Variants in PRKCZ observed in about 807,000 individuals in gnomAD.
PRKCZ encodes the protein protein kinase C zeta.
Under a neutral mutation model 79.5 loss-of-function variants are expected in PRKCZ, and 33 were observed. That is an observed-to-expected ratio of 0.41 (90% CI 0.31 to 0.55). The LOEUF (loss-of-function observed/expected upper bound fraction) is 0.55, where lower values mean the gene tolerates loss of function less well. PRKCZ is among the 20% of genes least tolerant of loss of function. PRKCZ has a pLI of 0.19. For missense variants in PRKCZ, 578 were observed against 813.5 expected (o/e 0.71, Z 3.52); for synonymous variants, 342 against 320.9 (o/e 1.07, Z -0.70).
intron 4 of PRKCZ, among the ~76,000 whole-genome samples, chr1:2,118,978 C>G (rs941317134): frequency 1.3e-5 from 2 of 152,002 alleles, no homozygotes; most frequent in African/African-American, 4.8e-5. Flanking sequence ...GCTATGGGTC[C>G]TTATTTGTCC....
rs757659635 is a variant in PRKCZ at position 2,125,671 on chromosome 1, G to C, written c.335-9591G>C. Among the ~76,000 whole-genome samples, 1 of 152,234 alleles carries C rather than the reference G, an allele frequency of 6.6e-6. No individual in the cohort carries two copies. The highest frequency in any genetic ancestry group is 2.4e-5 in the African/African-American group (1 of 41,462). On this transcript the variant is annotated intron_variant, in intron 4 of 17. Transcript: ENST00000378567. The surrounding 1 kb of genome is among the most constrained non-coding windows in gnomAD (Gnocchi z 4.2). ...CTGTGGTGCCTCCCGCTTTCCATCC[G>C]CATTCCATGGCAGGTGAGTCTGATT...
intron 4 of PRKCZ, among the ~76,000 whole-genome samples, chr1:2,087,422 C>T (rs912307367): frequency 6.6e-6 from 1 of 152,082 alleles, no homozygotes; most frequent in Non-Finnish European, 1.5e-5. Context: ...GGTGGTGAGG[C>T]GCCACGGCTC....
At chr1:2,146,348 C>T (rs746748825) in intron 7 of PRKCZ, among the ~76,000 whole-genome samples, 4 of 152,190 alleles carry the variant, frequency 2.6e-5, no homozygotes, top group African/African-American at 9.7e-5. Context: ...GGGATGCCTC[C>T]GTGAAGTGCT....
At chr1:2,141,839 G>A (rs1445986350) in intron 5 of PRKCZ, 5 of 231,962 alleles carry the variant, frequency 2.2e-5, no homozygotes, top group Admixed American at 5.3e-5. Flanking sequence ...CTGTGGACGC[G>A]GAGGAGAATG....
chr1:2,074,007 C>T lies in PRKCZ; in HGVS notation c.334+14416C>T, dbSNP rs754733113. On this transcript the variant is annotated intron_variant, in intron 4 of 17. Coordinates refer to ENST00000378567, the MANE Select transcript of PRKCZ (RefSeq NM_002744.6). The stretch of plus-strand genomic sequence containing the variant: ...AGCCGTGCTGCAGGCCCTGTGCGTG[C>T]GGAGGACGGTGCCCGAGTCAGCATT... 4.3e-4 allele frequency: 612 copies of T among 1,422,744 alleles called. 6 individuals are homozygous for T. The highest frequency in any genetic ancestry group is 5.2e-4 in the Middle Eastern group (2 of 3,840). The allele number at this position is 1,422,744 out of a possible 1,614,324, so 88.1% of individuals were successfully genotyped here. A position where few individuals can be genotyped will look rare whatever the true frequency, so the allele number is the denominator to read the frequency against.
At chr1:2,171,856 G>A (rs1281913654) in intron 11 of PRKCZ, among the ~76,000 whole-genome samples, 199 bp from the exon 12 acceptor site, 1 of 152,212 alleles carries the variant, frequency 6.6e-6, no homozygotes, top group Non-Finnish European at 1.5e-5. Flanking sequence ...ATCCTAAGGC[G>A]CATGGGGTGG....
chr1:2,095,630 C>A (rs1247532383), intron 4 of PRKCZ, among the ~76,000 whole-genome samples: 1 of 152,014 alleles, frequency 6.6e-6, no homozygotes, highest in Non-Finnish European at 1.5e-5. Context: ...AAAGTCATGC[C>A]CTGCCCCTGT....
intron 4 of PRKCZ, among the ~76,000 whole-genome samples, chr1:2,102,251 T>C (rs1667561659): frequency 6.6e-6 from 1 of 151,928 alleles, no homozygotes; most frequent in Admixed American, 6.6e-5. Context: ...GGTAATTTAT[T>C]GATTCATTCA....
intron 1 of PRKCZ, among the ~76,000 whole-genome samples, chr1:2,051,888 G>C (rs1319696276): frequency 3.3e-5 from 5 of 152,196 alleles, no homozygotes; most frequent in African/African-American, 1.2e-4. Flanking sequence ...CTCCCCTGTG[G>C]CAAGCACCTG....
At chr1:2,074,113 G>A (rs909035924) in intron 4 of PRKCZ, 12 of 1,516,326 alleles carry the variant, frequency 7.9e-6, no homozygotes, top group African/African-American at 2.7e-5. Context: ...GCCACGGCCC[G>A]GGGAAGGCGT....
Position 2,144,311 on chromosome 1 carries a change from C to T in PRKCZ, c.522C>T (p.Gly174=). The change falls in exon 6 of 18, where the codon GGC becomes GGT. Residue 174 remains glycine, a synonymous_variant. Transcript: ENST00000378567. ...CKLLVHKRCH[G]LVPLTCRKHM... is the part of the protein sequence containing the mutation. The stretch of plus-strand genomic sequence containing the variant: ...TGCTGGTCCATAAGCGCTGCCACGG[C>T]CTCGTCCCGCTGACCTGCAGGAAGC... The T allele has an allele frequency of 6.3e-7, 1 of 1,575,830 alleles. No individual in the cohort carries two copies. The highest frequency in any genetic ancestry group is 8.6e-7 in the Non-Finnish European group (1 of 1,160,426).
chr1:2,115,920 G>A (rs1670664246), intron 4 of PRKCZ, among the ~76,000 whole-genome samples: 1 of 152,132 alleles, frequency 6.6e-6, no homozygotes, highest in African/African-American at 2.4e-5. Flanking sequence ...AGGCACGGTT[G>A]ATTCAACAGC....
chr1:2,150,157 G>A (rs1287202590), intron 8 of PRKCZ, among the ~76,000 whole-genome samples: 12 of 124,066 alleles, frequency 9.7e-5, no homozygotes, highest in African/African-American at 4.1e-4. Context: ...GCCAGACTCC[G>A]TCTCAAAAAA....
intron 1 of PRKCZ, among the ~76,000 whole-genome samples, chr1:2,052,018 G>A (rs775956870): frequency 6.6e-4 from 101 of 152,282 alleles, no homozygotes; most frequent in Non-Finnish European, 1.4e-3. Context: ...TGGCCTGGAG[G>A]TCAGCAGGTT....
At position 2,131,163 on chromosome 1, in the gene PRKCZ, C is replaced by A. The variant is rs186650393; in HGVS notation, c.335-4099C>A. Among the ~76,000 whole-genome samples, 265 of 152,290 alleles carry A rather than the reference C, an allele frequency of 1.7e-3. 9 individuals carry two copies. The highest frequency in any genetic ancestry group is 0.017 in the Admixed American group (265 of 15,298). ...TCCTTTGGTATTTGCAAATTTGTCC[C>A]CGTGGCGCCTGGAGCTGACTGCCGG... On this transcript the variant is annotated intron_variant, in intron 4 of 17. Coordinates refer to ENST00000378567, the MANE Select transcript of PRKCZ (RefSeq NM_002744.6).
At chr1:2,146,284 A>G (rs1013378508) in intron 7 of PRKCZ, among the ~76,000 whole-genome samples, 176 bp downstream of exon 7, 1 of 152,130 alleles carries the variant, frequency 6.6e-6, no homozygotes, top group Non-Finnish European at 1.5e-5. Context: ...CCTCCTCTCA[A>G]TCCCCGGCAG....
chr1:2,104,378 C>T (rs759671232), intron 4 of PRKCZ, among the ~76,000 whole-genome samples: 10 of 152,174 alleles, frequency 6.6e-5, no homozygotes, highest in African/African-American at 1.4e-4. Context: ...GTTGGATAGA[C>T]GCCAGTGCTT....
At chr1:2,102,464 C>T (rs1484704545) in intron 4 of PRKCZ, among the ~76,000 whole-genome samples, 3 of 151,818 alleles carry the variant, frequency 2.0e-5, no homozygotes, top group Non-Finnish European at 1.5e-5. Context: ...TCCCGAGTAG[C>T]TGGGAGTACA....
intron 4 of PRKCZ, among the ~76,000 whole-genome samples, chr1:2,121,374 A>G (rs1671850873): frequency 6.6e-6 from 1 of 150,468 alleles, no homozygotes; most frequent in Non-Finnish European, 1.5e-5. Flanking sequence ...CCCAGAATCC[A>G]TATGTTGAAG....
Sources: allele counts gnomAD v4.1 joint callset (sites outside exome capture counted in the v4.1 genomes callset), GRCh38; gene constraint gnomAD v4.1.1; non-coding constraint Gnocchi (gnomAD v3.1); transcripts MANE v1.5; gene names NCBI Gene and HGNC (gene_info 2026-07-23, HGNC 2026-07-21).